Variants in NRXN3 observed in about 807,000 individuals in gnomAD.
The protein encoded by NRXN3 is neurexin 3, also known as neurexin III.
A neutral mutation model predicts 137.6 loss-of-function variants in NRXN3; 32 were observed. The ratio of observed to expected loss-of-function variants is 0.23; its 90% confidence interval spans 0.18 to 0.31. The LOEUF (loss-of-function observed/expected upper bound fraction) is 0.31. Among genes scored for constraint, NRXN3 ranks in the 10% least tolerant of loss-of-function variants. NRXN3 has a pLI of 1.00. For missense variants in NRXN3, 1,574 were observed against 2,062.5 expected (o/e 0.76, Z 4.59); for synonymous variants, 798 against 784.5 (o/e 1.02, Z -0.29).
At chr14:79,473,353 A>C (rs748995289) in intron 16 of NRXN3, among the ~76,000 whole-genome samples, 8 of 152,158 alleles carry the variant, frequency 5.3e-5, no homozygotes, top group Admixed American at 1.3e-4. Flanking sequence ...CTGTAGAATA[A>C]ATGGAAGTAA....
chr14:79,096,619 AAC>A (rs1272502656), intron 15 of NRXN3, among the ~76,000 whole-genome samples: 15 of 152,038 alleles, frequency 9.9e-5, no homozygotes, highest in South Asian at 4.2e-4. Context: ...AAAAAAAAAA[AAC>A]TACTAGCACT....
intron 6 of NRXN3, among the ~76,000 whole-genome samples, chr14:78,680,053 C>T (rs553822713): frequency 1.3e-5 from 2 of 152,020 alleles, no homozygotes; most frequent in South Asian, 4.1e-4. Flanking sequence ...CATATAATTA[C>T]ATATTTTATA....
chr14:78,536,458 G>A (rs2096536305), intron 4 of NRXN3, among the ~76,000 whole-genome samples: 1 of 152,164 alleles, frequency 6.6e-6, no homozygotes, highest in Non-Finnish European at 1.5e-5. Context: ...CCAGCCCAGT[G>A]ATGTTTATGG....
At chr14:78,630,402 A>G (rs2097507935) in intron 4 of NRXN3, among the ~76,000 whole-genome samples, 1 of 152,202 alleles carries the variant, frequency 6.6e-6, no homozygotes, top group Non-Finnish European at 1.5e-5. Flanking sequence ...TTACAAAACC[A>G]AAAAAGTAGA....
intron 15 of NRXN3, among the ~76,000 whole-genome samples, chr14:79,019,462 A>G (rs1268555791): frequency 2.0e-5 from 3 of 152,204 alleles, no homozygotes; most frequent in African/African-American, 7.2e-5. Context: ...AAGGGCTATG[A>G]AGACAAATAA....
intron 15 of NRXN3, among the ~76,000 whole-genome samples, chr14:79,143,473 A>G (rs1258673776): frequency 6.6e-6 from 1 of 152,180 alleles, no homozygotes; most frequent in Non-Finnish European, 1.5e-5. Context: ...TTGGTGGGGA[A>G]CTGTCCCAGA....
chr14:78,900,475 G>T (rs575142490), intron 10 of NRXN3, among the ~76,000 whole-genome samples: 1 of 148,956 alleles, frequency 6.7e-6, no homozygotes. Flanking sequence ...TCATTACTAC[G>T]TTTGGTGCCA....
chr14:79,257,728 A>G (rs1168466486), intron 15 of NRXN3, among the ~76,000 whole-genome samples: 4 of 151,630 alleles, frequency 2.6e-5, no homozygotes, highest in Non-Finnish European at 4.4e-5. Flanking sequence ...AGGGAAAAAA[A>G]TGACCTAATA....
At chr14:78,721,722 C>T (rs1457157951) in intron 8 of NRXN3, among the ~76,000 whole-genome samples, 4 of 152,116 alleles carry the variant, frequency 2.6e-5, no homozygotes, top group Admixed American at 6.5e-5. Context: ...TTCTAAAGAG[C>T]ATTAAAAGGC....
At chr14:78,345,313 A>G (rs2082602258) in intron 4 of NRXN3, among the ~76,000 whole-genome samples, 1 of 152,214 alleles carries the variant, frequency 6.6e-6, no homozygotes, top group Non-Finnish European at 1.5e-5. Flanking sequence ...GAGATAAAAT[A>G]TCAAGCTAAT....
chr14:79,239,073 G>GT (rs1305142689), intron 15 of NRXN3, among the ~76,000 whole-genome samples: 1 of 152,016 alleles, frequency 6.6e-6, no homozygotes, highest in Non-Finnish European at 1.5e-5. Flanking sequence ...TATATACTAT[G>GT]TTTTTTCCAT....
At chr14:78,517,036 C>T (rs995237628) in intron 4 of NRXN3, among the ~76,000 whole-genome samples, 1 of 152,092 alleles carries the variant, frequency 6.6e-6, no homozygotes, top group South Asian at 2.1e-4. Flanking sequence ...CTATGGAGTA[C>T]AGAGAAGTTG....
intron 18 of NRXN3, among the ~76,000 whole-genome samples, chr14:79,694,142 A>G (rs997804268): frequency 1.3e-5 from 2 of 151,988 alleles, no homozygotes; most frequent in African/African-American, 2.4e-5. Context: ...GAGCTGGGTC[A>G]TAGCATTCCC....
intron 6 of NRXN3, among the ~76,000 whole-genome samples, chr14:78,659,003 CTGCAAATTCATATGT>C (rs920492141): frequency 6.6e-6 from 1 of 152,196 alleles, no homozygotes; most frequent in African/African-American, 2.4e-5. Flanking sequence ...GTGATGTCCT[CTGCAAATTCATATGT>C]TGAAGTTCTA....
In NRXN3 at chr14:79,858,977, T is replaced by TAAAA. The variant is rs1491383075; in HGVS notation, c.4094-2360_4094-2357dup. Among the ~76,000 whole-genome samples the TAAAA allele has an allele frequency of 7.5e-5, 3 of 40,008 alleles. 1 individual carries two copies. Among genetic ancestry groups the TAAAA allele is most frequent in the African/African-American group, 1.8e-4 (2 of 11,406 alleles). 26.2% of individuals were successfully genotyped at this position (40,008 alleles called of 152,430 possible). A position where few individuals can be genotyped will look rare whatever the true frequency, so the allele number is the denominator to read the frequency against. On this transcript the variant is annotated intron_variant, in intron 20 of 20. Transcript: ENST00000335750. ...ATATGAATTATATATGTTCACAATG[T>TAAAA]AAAAAAAAGAAAAAAAAAAAAAACA...
chr14:79,025,333 C>T lies in NRXN3; in HGVS notation c.3262+37192C>T, dbSNP rs146463749. 4.1e-4 allele frequency among the ~76,000 whole-genome samples: 62 copies of T among 152,254 alleles called. No homozygotes were observed. The East Asian group carries it at 0.01, about 25-fold the overall frequency. On this transcript the variant is annotated intron_variant, in intron 15 of 20. Coordinates refer to ENST00000335750, the MANE Select transcript of NRXN3 (RefSeq NM_001330195.2). ...CAAGGCTGCCATCTTACTGTTGGAA[C>T]TCTCCACTGTTCTTATAGTAATCAT...
intron 4 of NRXN3, among the ~76,000 whole-genome samples, chr14:78,310,566 T>C (rs2077865730): frequency 6.6e-6 from 1 of 152,078 alleles, no homozygotes; most frequent in African/African-American, 2.4e-5. Flanking sequence ...ACAAATGCCT[T>C]GGCCCAAATT....
At chr14:78,468,699 A>G (rs1236703660) in intron 4 of NRXN3, among the ~76,000 whole-genome samples, 2 of 152,226 alleles carry the variant, frequency 1.3e-5, no homozygotes, top group African/African-American at 2.4e-5. Context: ...AATTCAAAGA[A>G]TATGGTTATA....
At chr14:79,698,308 C>A (rs932717957) in intron 19 of NRXN3, among the ~76,000 whole-genome samples, 2 of 151,908 alleles carry the variant, frequency 1.3e-5, no homozygotes, top group African/African-American at 4.8e-5. Context: ...AAAGCTATAT[C>A]CTAGTTCAAT....
Sources: allele counts gnomAD v4.1 joint callset (sites outside exome capture counted in the v4.1 genomes callset), GRCh38; gene constraint gnomAD v4.1.1; transcripts MANE v1.5; gene names NCBI Gene and HGNC (gene_info 2026-07-23, HGNC 2026-07-21).